Variants in WDR70 observed in about 807,000 individuals in gnomAD.
WDR70 encodes WD repeat domain 70.
Under a neutral mutation model 88.6 loss-of-function variants are expected in WDR70, and 53 were observed. The observed-to-expected ratio is 0.60, with a 90% CI of 0.48 to 0.75. The LOEUF (loss-of-function observed/expected upper bound fraction) is 0.75. Ranked by LOEUF, WDR70 falls within the 30% of genes least tolerant of loss-of-function variation. The pLI is 0.00. For missense variants in WDR70, 610 were observed against 823.2 expected (o/e 0.74, Z 3.17); for synonymous variants, 280 against 270.0 (o/e 1.04, Z -0.36).
At chr5:37,737,958 A>G (rs1377427138) in intron 17 of WDR70, among the ~76,000 whole-genome samples, 3 of 151,554 alleles carry the variant, frequency 2.0e-5, no homozygotes, top group African/African-American at 7.3e-5. Flanking sequence ...AAAATATTAT[A>G]TGTTCATTTC....
chr5:37,640,429 T>G (rs575654820), intron 10 of WDR70, among the ~76,000 whole-genome samples: 24 of 152,320 alleles, frequency 1.6e-4, no homozygotes, highest in African/African-American at 5.1e-4. Context: ...CACTAGTTTT[T>G]AATAAATAGG....
intron 9 of WDR70, among the ~76,000 whole-genome samples, chr5:37,557,928 G>GTACTCTTTTGAAAACTCTTCAAAAGAT (rs1742345006): frequency 7.3e-6 from 1 of 136,144 alleles, no homozygotes; most frequent in African/African-American, 2.6e-5. Context: ...CTTCAAAAGA[G>GTACTCTTTTGAAAACTCTTCAAAAGAT]TACTCTTTTG....
chr5:37,572,007 C>T (rs1742918851), intron 9 of WDR70, among the ~76,000 whole-genome samples: 1 of 152,114 alleles, frequency 6.6e-6, no homozygotes, highest in Admixed American at 6.6e-5. Flanking sequence ...GTAAGGATTT[C>T]TAATTCCCAT....
intron 3 of WDR70, among the ~76,000 whole-genome samples, chr5:37,389,224 C>CT (rs1396488403): frequency 6.7e-6 from 1 of 150,292 alleles, no homozygotes; most frequent in Non-Finnish European, 1.5e-5. Flanking sequence ...TCCCGAGTAG[C>CT]TGGGACTACA....
intron 9 of WDR70, among the ~76,000 whole-genome samples, chr5:37,566,323 G>A (rs1250652389): frequency 6.6e-6 from 1 of 151,976 alleles, no homozygotes; most frequent in African/African-American, 2.4e-5. Flanking sequence ...TATCATCACT[G>A]TGTACTTTAA....
chr5:37,470,136 C>CAAA (rs60159670), intron 7 of WDR70, among the ~76,000 whole-genome samples: 5 of 115,730 alleles, frequency 4.3e-5, no homozygotes, highest in African/African-American at 1.0e-4. Context: ...AAAACAAAAA[C>CAAA]AAAAAAAAAC....
At chr5:37,594,327 A>G (rs1274777396) in intron 9 of WDR70, among the ~76,000 whole-genome samples, 8 of 152,108 alleles carry the variant, frequency 5.3e-5, no homozygotes, top group Admixed American at 3.3e-4. Context: ...TTTATACGGT[A>G]TAAGGAAGGG....
At chr5:37,434,443 C>G (rs1314818832) in intron 5 of WDR70, among the ~76,000 whole-genome samples, 1 of 152,166 alleles carries the variant, frequency 6.6e-6, no homozygotes. Flanking sequence ...AGCTGTACTT[C>G]AGTGATTTCT....
intron 10 of WDR70, among the ~76,000 whole-genome samples, chr5:37,696,295 A>G (rs1746978950): frequency 6.6e-6 from 1 of 152,236 alleles, no homozygotes; most frequent in Non-Finnish European, 1.5e-5. Context: ...AGAACTGAGA[A>G]GCCAGTTTTC....
chr5:37,524,982 G>A (rs1420788339), intron 9 of WDR70, among the ~76,000 whole-genome samples: 1 of 152,108 alleles, frequency 6.6e-6, no homozygotes, highest in African/African-American at 2.4e-5. Flanking sequence ...CACAAAGCAA[G>A]TCCTTAGAGA....
intron 13 of WDR70, among the ~76,000 whole-genome samples, chr5:37,703,352 G>A (rs1176135908): frequency 2.6e-5 from 4 of 152,188 alleles, no homozygotes; most frequent in African/African-American, 7.2e-5. Flanking sequence ...ATTGAGGAGT[G>A]AGGAAGATGA....
chr5:37,496,563 C>A (rs930157171), intron 8 of WDR70, among the ~76,000 whole-genome samples: 1 of 152,196 alleles, frequency 6.6e-6, no homozygotes, highest in Non-Finnish European at 1.5e-5. Context: ...GAACCAATTC[C>A]GGACTCACTA....
At chr5:37,650,429 A>G (rs1214470207) in intron 10 of WDR70, among the ~76,000 whole-genome samples, 2 of 152,060 alleles carry the variant, frequency 1.3e-5, no homozygotes, top group African/African-American at 4.8e-5. Flanking sequence ...AAAAGAAAGT[A>G]TTGGATGTAA....
intron 17 of WDR70, among the ~76,000 whole-genome samples, chr5:37,738,822 T>C (rs1276939785): frequency 2.6e-5 from 4 of 152,336 alleles, no homozygotes; most frequent in African/African-American, 9.6e-5. Context: ...CAGCACAAAG[T>C]ATCAGCTATC....
intron 10 of WDR70, among the ~76,000 whole-genome samples, chr5:37,693,070 T>A (rs5916720): frequency 2.7e-5 from 4 of 148,838 alleles, no homozygotes; most frequent in South Asian, 4.2e-4. Flanking sequence ...TATACACCAA[T>A]AACAGACAAA....
chr5:37,474,056 TC>T (rs1456818327), intron 7 of WDR70, among the ~76,000 whole-genome samples: 1 of 152,232 alleles, frequency 6.6e-6, no homozygotes, highest in African/African-American at 2.4e-5. Flanking sequence ...GTTAACATTT[TC>T]TAATTTGTAT....
intron 9 of WDR70, among the ~76,000 whole-genome samples, chr5:37,519,703 G>T (rs560034252): frequency 6.6e-6 from 1 of 151,952 alleles, no homozygotes; most frequent in Non-Finnish European, 1.5e-5. Context: ...GGGCAGAGGC[G>T]CTCCTCACCT....
At chr5:37,410,961 G>A (rs1036836054) in intron 5 of WDR70, among the ~76,000 whole-genome samples, 5 of 152,206 alleles carry the variant, frequency 3.3e-5, no homozygotes, top group African/African-American at 9.7e-5. Flanking sequence ...AGATGACTTA[G>A]TTAATTAAAT....
At chr5:37,741,968 T>C (rs1748495655) in intron 17 of WDR70, among the ~76,000 whole-genome samples, 1 of 152,226 alleles carries the variant, frequency 6.6e-6, no homozygotes, top group South Asian at 2.1e-4. Flanking sequence ...ATGAATAATA[T>C]TCCATTTATG....
Sources: gnomAD v4.1 joint callset for allele counts (sites outside exome capture counted in the v4.1 genomes callset) on GRCh38, gnomAD v4.1.1 for gene constraint, MANE v1.5 for transcripts, NCBI Gene and HGNC (gene_info 2026-07-23, HGNC 2026-07-21) for gene names.